ZNF286A: variants seen among roughly 807,000 people sequenced by gnomAD.
The protein encoded by ZNF286A is zinc finger protein ZNF286.
Under a neutral mutation model 49.3 loss-of-function variants are expected in ZNF286A, and 34 were observed. That is an observed-to-expected ratio of 0.69 (90% CI 0.52 to 0.92). ZNF286A has a LOEUF of 0.92. ZNF286A is among the 40% of genes least tolerant of loss of function. The probability of loss-of-function intolerance (pLI) is 0.00; values close to 1 mark genes in which losing one functional copy is unlikely to be tolerated. For synonymous variants in ZNF286A, 155 were observed against 200.4 expected (o/e 0.77, Z 1.91); for missense variants, 462 against 600.2 (o/e 0.77, Z 2.41).
At chr17:15,704,586 A>G in intron 3 of ZNF286A, 1 of 1,614,070 alleles carries the variant, frequency 6.2e-7, no homozygotes, top group Non-Finnish European at 8.5e-7. Flanking sequence ...TGCCCAGCTC[A>G]GCCGTCCAGT....
intron 3 of ZNF286A, among the ~76,000 whole-genome samples, chr17:15,702,502 A>G (rs957239145): frequency 6.8e-6 from 1 of 146,036 alleles, no homozygotes; most frequent in Non-Finnish European, 1.5e-5. Context: ...GTGAGAGTGA[A>G]ACTGTCTCAA....
At chr17:15,699,883 C>A in intron 1 of ZNF286A, 106 bp downstream of exon 1, 3 of 699,452 alleles carry the variant, frequency 4.3e-6, no homozygotes, top group Non-Finnish European at 7.8e-6. Flanking sequence ...GTTAAAGGGG[C>A]CTCGAGGGCA....
At position 15,714,674 on chromosome 17, in the gene ZNF286A, T is replaced by C; in HGVS notation, c.335-1385T>C. Reference sequence around the variant, plus strand: ...CAGCTAGTAAGTGGCAAAACTGCAATTCAGATTTTGCTCGTGAATGTTAGA... The same window carrying C: ...CAGCTAGTAAGTGGCAAAACTGCAACTCAGATTTTGCTCGTGAATGTTAGA... On this transcript the variant is annotated intron_variant, in intron 5 of 5. Transcript: ENST00000583566. Among the ~76,000 whole-genome samples, 2 of 152,172 alleles carry C rather than the reference T, an allele frequency of 1.3e-5. 1 individual carries two copies.
At position 15,713,381 on chromosome 17, in the gene ZNF286A, A is replaced by G. The variant is rs1966877818; in HGVS notation, c.335-2678A>G. 2.0e-5 allele frequency among the ~76,000 whole-genome samples: 3 copies of G among 152,256 alleles called. No homozygotes were observed. In the South Asian group the frequency reaches 6.2e-4, roughly 31 times the overall value. ...CAATCTCTTTAATGTATGACATTAT[A>G]GAAGGTAGCTATATTCTTACAACTG... On this transcript the variant is annotated intron_variant, in intron 5 of 5. Transcript: ENST00000583566.
intron 5 of ZNF286A, among the ~76,000 whole-genome samples, chr17:15,714,537 C>T (rs1180164640): frequency 1.3e-5 from 2 of 152,036 alleles, no homozygotes; most frequent in African/African-American, 4.8e-5. Context: ...TGCATTAATG[C>T]TCATTAAGGT....
chr17:15,706,354 G>A (rs1226220105), intron 3 of ZNF286A, 33 bp from the exon 4 acceptor site: 1 of 1,580,302 alleles, frequency 6.3e-7, no homozygotes, highest in African/African-American at 1.3e-5. Context: ...GTAATTAAGG[G>A]AAAGATGTTG....
intron 3 of ZNF286A, among the ~76,000 whole-genome samples, chr17:15,705,357 A>G (rs1990151461): frequency 1.3e-5 from 2 of 151,992 alleles, no homozygotes; most frequent in Non-Finnish European, 2.9e-5. Context: ...TTCTGCTTTT[A>G]TATTGTAAAT....
In ZNF286A at chr17:15,717,183, A is replaced by G; in HGVS notation, c.1459A>G (p.Thr487Ala). Reference sequence around the variant, plus strand: ...ATCAGCTCTCATTCAACATCAGAGAACTCATACCGGAGAGAAACCCTTTAG... The same window carrying G: ...ATCAGCTCTCATTCAACATCAGAGAGCTCATACCGGAGAGAAACCCTTTAG... ...HSSALIQHQR[T>A]HTGEKPFRCN... Residue 487 changes from threonine (T) to alanine (A), a missense_variant, in exon 6 of 6, where the codon ACT becomes GCT. By Grantham distance (58) the Thr-to-Ala change is moderately conservative. Around this residue, in one of 3 missense-constraint regions of ZNF286A, gnomAD observed 201 missense variants for 311.3 expected, o/e 0.65. Coordinates refer to ENST00000583566, the MANE Select transcript of ZNF286A (RefSeq NM_001130842.2). 1 of 1,608,136 alleles carries G rather than the reference A, an allele frequency of 6.2e-7. No homozygotes were observed. Among genetic ancestry groups the G allele is most frequent in the Non-Finnish European group, 8.5e-7 (1 of 1,176,906 alleles).
At chr17:15,715,893 A>G (rs1967020785) in intron 5 of ZNF286A, 166 bp from the exon 6 acceptor site, 3 of 1,483,608 alleles carry the variant, frequency 2.0e-6, no homozygotes, top group African/African-American at 2.8e-5. Flanking sequence ...TAGTCTGAGC[A>G]TTTGTTTCCC....
chr17:15,717,239 C>T lies in ZNF286A; in HGVS notation c.1515C>T (p.Cys505=), dbSNP rs1967111079. The change falls in exon 6 of 6, where the codon TGC becomes TGT. Residue 505 remains cysteine (C), a synonymous_variant. Coordinates refer to ENST00000583566, the MANE Select transcript of ZNF286A (RefSeq NM_001130842.2). ...ATGAGTGTGGGAAAAGCTTTAAGTG[C>T]AGTTCATCTCTCATCAGACATCAAA... ...RCNECGKSFK[C]SSSLIRHQRV... is the part of the protein sequence containing the mutation. The T allele has an allele frequency of 1.2e-6, 2 of 1,607,584 alleles. No homozygotes were observed. Among genetic ancestry groups the T allele is most frequent in the Non-Finnish European group, 1.7e-6 (2 of 1,176,670 alleles).
chr17:15,704,868 G>A (rs1046661486), intron 3 of ZNF286A: 1 of 1,612,010 alleles, frequency 6.2e-7, no homozygotes, highest in African/African-American at 1.3e-5. Context: ...GGCGGATGAT[G>A]TGCGGGGGCA....
At position 15,717,162 on chromosome 17, in the gene ZNF286A, G is replaced by A. The variant is rs376563579; in HGVS notation, c.1438G>A (p.Ala480Thr). The part of the protein sequence containing the change: ...ECGKAFIHSS[A>T]LIQHQRTHTG... Reference sequence around the variant, plus strand: ...TGGAAAAGCCTTCATTCATTCATCAGCTCTCATTCAACATCAGAGAACTCA... The same window carrying A: ...TGGAAAAGCCTTCATTCATTCATCAACTCTCATTCAACATCAGAGAACTCA... The change falls in exon 6 of 6, where the codon GCT becomes ACT. Residue 480 changes from alanine (A) to threonine (T), a missense_variant. Coordinates refer to ENST00000583566, the MANE Select transcript of ZNF286A (RefSeq NM_001130842.2). The A allele has an allele frequency of 6.2e-7, 1 of 1,610,966 alleles. No homozygotes were observed. The highest frequency in any genetic ancestry group is 1.3e-5 in the African/African-American group (1 of 74,666).
chr17:15,715,994 T>C (rs1426400991), intron 5 of ZNF286A, 65 bp from the exon 6 acceptor site: 2 of 1,607,356 alleles, frequency 1.2e-6, no homozygotes, highest in African/African-American at 2.7e-5. Flanking sequence ...CTCTTACCTA[T>C]TACAGAACTG....
chr17:15,706,879 G>A (rs1202953352), intron 4 of ZNF286A, among the ~76,000 whole-genome samples: 3 of 152,180 alleles, frequency 2.0e-5, no homozygotes, highest in Non-Finnish European at 4.4e-5. Flanking sequence ...AAGATGGCCA[G>A]TGGCAGTCCC....
intron 3 of ZNF286A, among the ~76,000 whole-genome samples, chr17:15,705,302 C>G (rs1990147136): frequency 6.6e-6 from 1 of 152,012 alleles, no homozygotes; most frequent in African/African-American, 2.4e-5. Context: ...ACCTACTGAC[C>G]TTATTCAGAT....
At chr17:15,704,503 GCCT>G (rs1990051354) in intron 3 of ZNF286A, 1 of 1,613,916 alleles carries the variant, frequency 6.2e-7, no homozygotes, top group African/African-American at 1.3e-5. Context: ...CAGGCGGCCC[GCCT>G]CCTCGTTGAG....
chr17:15,704,888 C>G, intron 3 of ZNF286A: 1 of 1,610,386 alleles, frequency 6.2e-7, no homozygotes, highest in East Asian at 2.2e-5. Flanking sequence ...AGTTTCTCCA[C>G]GTTGGAGTTC....
intron 3 of ZNF286A, chr17:15,704,548 C>T: frequency 2.5e-6 from 4 of 1,614,126 alleles, no homozygotes; most frequent in Non-Finnish European, 3.4e-6. Flanking sequence ...GATCAGCAGG[C>T]ACCTGATGGT....
rs1967323268 is a variant in ZNF286A, at chr17:15,720,610, CG to C, written c.*3321del. On this transcript the variant is annotated 3_prime_UTR_variant, in exon 6 of 6. Transcript: ENST00000583566. ...GCGACTTGGGATCTCTGGCCCTTTGCGTTTCAGTATTTGTCCTTTTTATGCC... is the reference window on the plus strand; with the variant it reads ...GCGACTTGGGATCTCTGGCCCTTTGCTTTCAGTATTTGTCCTTTTTATGCC... The C allele has an allele frequency of 7.2e-6, 1 of 138,750 alleles. No individual in the cohort carries two copies. The highest frequency in any genetic ancestry group is 2.8e-5 in the African/African-American group (1 of 36,316). 8.6% of individuals were successfully genotyped at this position (138,750 alleles called of 1,614,324 possible). A position where few individuals can be genotyped will look rare whatever the true frequency, so the allele number is the denominator to read the frequency against.
Sources: allele counts gnomAD v4.1 joint callset (sites outside exome capture counted in the v4.1 genomes callset), GRCh38; gene constraint gnomAD v4.1.1; regional missense constraint gnomAD v4.1.1; transcripts MANE v1.5; gene names NCBI Gene and HGNC (gene_info 2026-07-23, HGNC 2026-07-21).